CFAP20DC: variants seen among roughly 807,000 people sequenced by gnomAD.
CFAP20DC encodes the protein CFAP20 domain containing.
In CFAP20DC, 84 loss-of-function variants were observed where a neutral mutation model predicts 101.7. The observed-to-expected ratio is 0.83, with a 90% CI of 0.69 to 0.99. The LOEUF is 0.99. CFAP20DC is among the 50% of genes least tolerant of loss of function. The pLI is 0.00. For synonymous variants in CFAP20DC, 359 were observed against 351.2 expected (o/e 1.02, Z -0.25); for missense variants, 1,007 against 970.3 (o/e 1.04, Z -0.50).
chr3:58,827,319 A>G (rs2076105832), intron 14 of CFAP20DC, among the ~76,000 whole-genome samples: 1 of 151,308 alleles, frequency 6.6e-6, no homozygotes, highest in African/African-American at 2.4e-5. Context: ...CCAGACAGAG[A>G]AGAGATGAGC....
intron 14 of CFAP20DC, among the ~76,000 whole-genome samples, chr3:58,806,759 G>A (rs2074099823): frequency 6.6e-6 from 1 of 152,236 alleles, no homozygotes; most frequent in African/African-American, 2.4e-5. Flanking sequence ...CCGAAGCAGG[G>A]CGAAGCATTG....
chr3:58,787,826 T>C (rs557235288), intron 15 of CFAP20DC, among the ~76,000 whole-genome samples: 229 of 152,278 alleles, frequency 1.5e-3, no homozygotes, highest in African/African-American at 5.1e-3. Context: ...GATGAGTTCA[T>C]GTCCTTTGCA....
At chr3:58,740,247 T>C (rs912637798), downstream of CFAP20DC, among the ~76,000 whole-genome samples, 1 of 152,206 alleles carries the variant, frequency 6.6e-6, no homozygotes, top group Non-Finnish European at 1.5e-5. The surrounding 1 kb of genome is among the most constrained non-coding windows in gnomAD (Gnocchi z 4.6). Context: ...ACTGCCAGGA[T>C]AGACATCTGT....
At chr3:58,720,221 C>A (rs2067452487) in intron 3 of CFAP20DC, among the ~76,000 whole-genome samples, 1 of 152,260 alleles carries the variant, frequency 6.6e-6, no homozygotes, top group Non-Finnish European at 1.5e-5. Context: ...GTCTTGTTCA[C>A]TGCTCAGAGC....
chr3:58,854,709 A>G (rs2078602056), intron 12 of CFAP20DC, among the ~76,000 whole-genome samples: 1 of 151,824 alleles, frequency 6.6e-6, no homozygotes, highest in Admixed American at 6.6e-5. Context: ...GATCTTTGAC[A>G]AACCTGAGAA....
rs557176306 is a variant in CFAP20DC at position 58,914,692 on chromosome 3, ATT to A, written c.394-830_394-829del. Among the ~76,000 whole-genome samples, 128 of 147,986 alleles carry A rather than the reference ATT, an allele frequency of 8.6e-4. No homozygotes were observed. The highest frequency in any genetic ancestry group is 3.6e-3 in the Middle Eastern group (1 of 280). On this transcript the variant is annotated intron_variant, in intron 5 of 16. Transcript: ENST00000482387. This position sits in a 1 kb window ranked among gnomAD's most constrained non-coding sequence, Gnocchi z 4.9. ...TGTATATATAAATATATATATATAT[ATT>A]TTTTTTCTTTTTTTTAAAGACAAAT...
chr3:58,922,203 TTGA>T (rs2107551572), intron 5 of CFAP20DC, among the ~76,000 whole-genome samples: 1 of 152,342 alleles, frequency 6.6e-6, no homozygotes, highest in Non-Finnish European at 1.5e-5. Flanking sequence ...TATAATGACT[TTGA>T]TACGTTTGAG....
At chr3:58,898,363 C>G (rs919458983) in intron 6 of CFAP20DC, among the ~76,000 whole-genome samples, 3 of 152,044 alleles carry the variant, frequency 2.0e-5, no homozygotes, top group African/African-American at 7.3e-5. Flanking sequence ...TTAGTAGAGA[C>G]AGGGTTTCAC....
chr3:58,717,551 T>C lies in CFAP20DC; in HGVS notation c.*37A>G, dbSNP rs1318641673. ...AGAAGTGAGGACCCACACTTCCAGG[T>C]TCTTGTCCTGATATCTTTAGAGTGT... On this transcript the variant is annotated 3_prime_UTR_variant, in exon 4 of 4. Coordinates refer to the CFAP20DC transcript ENST00000486145. The surrounding 1 kb of genome is among the most constrained non-coding windows in gnomAD (Gnocchi z 4.1). 2 of 442,336 alleles carry C rather than the reference T, an allele frequency of 4.5e-6. No homozygotes were observed. The highest frequency in any genetic ancestry group is 9.0e-6 in the Non-Finnish European group (2 of 222,938). The allele number at this position is 442,336 out of a possible 1,614,324, so 27.4% of individuals were successfully genotyped here.
At chr3:59,012,802 T>C (rs1354859571) in intron 4 of CFAP20DC, among the ~76,000 whole-genome samples, 1 of 151,776 alleles carries the variant, frequency 6.6e-6, no homozygotes, top group Non-Finnish European at 1.5e-5. Flanking sequence ...AGAGATGAGA[T>C]TAAGAAAATT....
intron 14 of CFAP20DC, among the ~76,000 whole-genome samples, chr3:58,810,458 C>G (rs1359238867): frequency 6.6e-6 from 1 of 152,050 alleles, no homozygotes; most frequent in Non-Finnish European, 1.5e-5. Context: ...AAAACCACAT[C>G]ATAATCCCAA....
intron 15 of CFAP20DC, among the ~76,000 whole-genome samples, chr3:58,756,269 T>C (rs1249937766): frequency 6.6e-6 from 1 of 152,062 alleles, no homozygotes; most frequent in African/African-American, 2.4e-5. Flanking sequence ...TCAAGATATT[T>C]ACCTACTTCC....
intron 4 of CFAP20DC, among the ~76,000 whole-genome samples, chr3:58,999,843 T>C (rs916448883): frequency 1.3e-5 from 1 of 76,762 alleles, no homozygotes; most frequent in African/African-American, 4.4e-5. Context: ...GTCACTAATG[T>C]AAAAAAAAAA....
At position 59,015,216 on chromosome 3, in the gene CFAP20DC, A is replaced by T. The variant is rs1576720429; in HGVS notation, c.278+24341T>A. On this transcript the variant is annotated intron_variant, in intron 4 of 16. Coordinates refer to ENST00000482387, the MANE Select transcript of CFAP20DC (RefSeq NM_001394063.1). This position sits in a 1 kb window ranked among gnomAD's most constrained non-coding sequence, Gnocchi z 5.4. ...GTCTGTAGTTAGCAGCCAGGATGAT[A>T]GAACTAGCATTTACCATTTCCTGTG... Among the ~76,000 whole-genome samples the T allele has an allele frequency of 6.6e-6, 1 of 152,234 alleles. No individual in the cohort carries two copies. Among genetic ancestry groups the T allele is most frequent in the African/African-American group, 2.4e-5 (1 of 41,550 alleles).
At chr3:58,800,076 G>A (rs972490167) in intron 15 of CFAP20DC, among the ~76,000 whole-genome samples, 4 of 152,220 alleles carry the variant, frequency 2.6e-5, no homozygotes, top group Non-Finnish European at 5.9e-5. Flanking sequence ...CCATCTGAGA[G>A]GTGGGCTTCC....
At chr3:59,021,919 T>G (rs1318913163) in intron 4 of CFAP20DC, among the ~76,000 whole-genome samples, 2 of 152,080 alleles carry the variant, frequency 1.3e-5, no homozygotes, top group African/African-American at 4.8e-5. Context: ...CGAGTACATA[T>G]CTTTTTACTT....
chr3:58,784,022 G>T (rs1382184186), intron 15 of CFAP20DC, among the ~76,000 whole-genome samples: 1 of 151,120 alleles, frequency 6.6e-6, no homozygotes, highest in Admixed American at 6.6e-5. Flanking sequence ...CACCACTAGG[G>T]GTACCTATTG....
chr3:58,903,789 T>A (rs555694875), intron 6 of CFAP20DC, among the ~76,000 whole-genome samples: 1 of 152,210 alleles, frequency 6.6e-6, no homozygotes, highest in South Asian at 2.1e-4. Context: ...CAACTCAAGA[T>A]GAGATTTGGG....
intron 7 of CFAP20DC, among the ~76,000 whole-genome samples, chr3:58,870,980 T>G (rs1249606686): frequency 1.3e-5 from 2 of 150,338 alleles, no homozygotes; most frequent in African/African-American, 4.9e-5. Flanking sequence ...AGGAAATAAT[T>G]TAAATATAAT....
Sources: allele counts gnomAD v4.1 joint callset (sites outside exome capture counted in the v4.1 genomes callset), GRCh38; gene constraint gnomAD v4.1.1; non-coding constraint Gnocchi (gnomAD v3.1); transcripts MANE v1.5; gene names NCBI Gene and HGNC (gene_info 2026-07-23, HGNC 2026-07-21).